The following TSPAN32 variants were observed in gnomAD, a reference collection of about 807,000 sequenced individuals.
TSPAN32 encodes the protein tetraspanin-32.
A neutral mutation model predicts 42.7 loss-of-function variants in TSPAN32; 47 were observed. That is an observed-to-expected ratio of 1.10 (90% CI 0.87 to 1.40). TSPAN32 has a LOEUF of 1.40. Ranked by LOEUF, TSPAN32 falls within the 40% of genes most tolerant of loss-of-function variation. TSPAN32 has a pLI of 0.00. For synonymous variants in TSPAN32, 175 were observed against 175.9 expected (o/e 0.99, Z 0.04); for missense variants, 469 against 424.1 (o/e 1.11, Z -0.93).
Position 2,313,581 on chromosome 11 carries a change from A to G in TSPAN32, c.355-73A>G. ...CACTAAGGGCCCACTAGCGTTTGGGATGTCGTGGGGAGGGGGCTGTGTCCC... is the reference window on the plus strand; with the variant it reads ...CACTAAGGGCCCACTAGCGTTTGGGGTGTCGTGGGGAGGGGGCTGTGTCCC... On this transcript the variant is annotated intron_variant, in intron 4 of 9. Transcript: ENST00000182290. This position sits in a 1 kb window ranked among gnomAD's most constrained non-coding sequence, Gnocchi z 9.1. The G allele has an allele frequency of 8.2e-7, 1 of 1,220,854 alleles. No individual in the cohort carries two copies. Among genetic ancestry groups the G allele is most frequent in the Non-Finnish European group, 1.2e-6 (1 of 858,746 alleles). 75.6% of individuals were successfully genotyped at this position (1,220,854 alleles called of 1,614,324 possible).
chr11:2,305,616 C>T (rs571740109), intron 3 of TSPAN32, among the ~76,000 whole-genome samples: 2 of 152,248 alleles, frequency 1.3e-5, no homozygotes, highest in African/African-American at 2.4e-5. Flanking sequence ...ACCTTGCCCC[C>T]GTGCACAAAC....
In TSPAN32 at chr11:2,317,359, G is replaced by C; in HGVS notation, c.735G>C (p.Gln245His). Residue 245 changes from glutamine (Q) to histidine (H), a missense_variant, in exon 9 of 10, where the codon CAG (glutamine) becomes CAC (histidine). By Grantham distance (24) the Gln-to-His change is conservative (BLOSUM62 0). Coordinates refer to ENST00000182290, the MANE Select transcript of TSPAN32 (RefSeq NM_139022.3). This position sits in a 1 kb window ranked among gnomAD's most constrained non-coding sequence, Gnocchi z 6.2. ...YTLTPRACGRQPQEPSLLRCS... is the reference protein window; with the variant it reads ...YTLTPRACGRHPQEPSLLRCS... ...TGCTCCTCAGAGCATGTGGCCGCCA[G>C]CCCCAGGAGCCCAGCCTCTTGAGAT... The C allele has an allele frequency of 6.3e-7, 1 of 1,593,524 alleles. No individual in the cohort carries two copies.
rs770634605 is a variant in TSPAN32, at chr11:2,308,766, G to A, written c.310G>A (p.Ala104Thr). ...CCTGTGCTTCTCCCTGGCGTTCTGC[G>A]CACAGGTGCAGGTGGTGTTCTGGAG... ...GFLCFSLAFC[A>T]QVQVVFWRLH... Residue 104 changes from alanine (A) to threonine (T), a missense_variant, in exon 4 of 10, where the codon GCA becomes ACA. Physicochemically the swap from Ala to Thr is moderately conservative, Grantham distance 58. Transcript: ENST00000182290. 3.3e-5 allele frequency: 52 copies of A among 1,573,544 alleles called. No individual in the cohort carries two copies. The highest frequency in any genetic ancestry group is 4.4e-5 in the Non-Finnish European group (51 of 1,159,678).
chr11:2,305,998 ATGTGCATGAGTGTGTG>A (rs1212601713), intron 3 of TSPAN32, among the ~76,000 whole-genome samples: 2 of 145,936 alleles, frequency 1.4e-5, no homozygotes, highest in African/African-American at 5.3e-5. Context: ...GTGTGTGTGC[ATGTGCATGAGTGTGTG>A]TGTGCATGTG....
chr11:2,314,442 G>A, intron 5 of TSPAN32, 43 bp from the exon 6 acceptor site: 1 of 1,525,244 alleles, frequency 6.6e-7, no homozygotes, highest in Middle Eastern at 1.7e-4. Context: ...GCCTCCTGGG[G>A]TCTCGGGAGC....
intron 1 of TSPAN32, among the ~76,000 whole-genome samples, chr11:2,302,425 G>A (rs966060063): frequency 2.0e-5 from 3 of 152,202 alleles, no homozygotes; most frequent in African/African-American, 7.2e-5. Context: ...CCTCCTGAGG[G>A]GCAGCACAGA....
intron 4 of TSPAN32, 96 bp downstream of exon 4, chr11:2,308,906 A>G: frequency 1.2e-6 from 1 of 841,550 alleles, no homozygotes. Context: ...GAGCAGCCCC[A>G]GCTTCCAGGC....
intron 4 of TSPAN32, chr11:2,309,313 C>G: frequency 4.3e-6 from 2 of 465,242 alleles, no homozygotes; most frequent in Non-Finnish European, 9.0e-6. Context: ...ACCCCCTCCA[C>G]GGAACAGCAC....
Position 2,304,316 on chromosome 11 carries a change from G to GTTTTTT in TSPAN32, c.279+112_279+113insTTTTTT. 1 of 765,736 alleles carries GTTTTTT rather than the reference G, an allele frequency of 1.3e-6. No individual in the cohort carries two copies. Among genetic ancestry groups the GTTTTTT allele is most frequent in the Admixed American group, 3.0e-5 (1 of 33,492 alleles). 47.4% of individuals were successfully genotyped at this position (765,736 alleles called of 1,614,324 possible). On this transcript the variant is annotated intron_variant, in intron 3 of 9. Transcript: ENST00000182290. The surrounding 1 kb of genome is among the most constrained non-coding windows in gnomAD (Gnocchi z 4.8). ...ACACCTGAGTGACCAGGCAGAACCA[G>GTTTTTT]AGGCCCCAGGGATGCTGGCCAGCCG...
chr11:2,305,344 T>C, intron 3 of TSPAN32, among the ~76,000 whole-genome samples: 1 of 114,200 alleles, frequency 8.8e-6, no homozygotes. Flanking sequence ...GAGGCCCCAG[T>C]GGGGAGATGA....
intron 3 of TSPAN32, among the ~76,000 whole-genome samples, chr11:2,305,381 C>CA (rs1848022170): frequency 6.6e-6 from 1 of 151,550 alleles, no homozygotes; most frequent in South Asian, 2.1e-4. Flanking sequence ...CCCCCCCCCC[C>CA]AGAGGGTGTG....
At chr11:2,308,920 T>C in intron 4 of TSPAN32, 110 bp downstream of exon 4, 1 of 762,194 alleles carries the variant, frequency 1.3e-6, no homozygotes, top group Non-Finnish European at 2.1e-6. Flanking sequence ...TCCAGGCTTG[T>C]GCTGACCGGG....
In TSPAN32 at chr11:2,302,951, C is replaced by G; in HGVS notation, c.174C>G (p.His58Gln). The change falls in exon 2 of 10, where the codon CAC becomes CAG. Residue 58 changes from histidine (H) to glutamine (Q), a missense_variant. Transcript: ENST00000182290. Reference sequence around the variant, plus strand: ...AGAAGAACCCGTACCAGGCTGTGCACCAATGGGGTAAGTGAGGTCCAGGCC... The same window carrying G: ...AGAAGAACCCGTACCAGGCTGTGCAGCAATGGGGTAAGTGAGGTCCAGGCC... ...SLEKNPYQAV[H>Q]QWAFSAGLSL... 4.3e-6 allele frequency: 7 copies of G among 1,613,304 alleles called. No homozygotes were observed. Among genetic ancestry groups the G allele is most frequent in the Non-Finnish European group, 5.9e-6 (7 of 1,179,628 alleles).
intron 4 of TSPAN32, among the ~76,000 whole-genome samples, chr11:2,310,282 G>A (rs2133334876): frequency 6.6e-6 from 1 of 152,302 alleles, no homozygotes; most frequent in South Asian, 2.1e-4. Flanking sequence ...AGGGGAGGGG[G>A]CCATACAGGG....
chr11:2,310,929 G>C (rs1300290099), intron 4 of TSPAN32, among the ~76,000 whole-genome samples: 1 of 152,130 alleles, frequency 6.6e-6, no homozygotes, highest in East Asian at 1.9e-4. Flanking sequence ...GGGCCCACCA[G>C]AGCCGAATGG....
intron 3 of TSPAN32, among the ~76,000 whole-genome samples, chr11:2,307,811 C>T (rs931198170): frequency 3.3e-5 from 5 of 152,054 alleles, no homozygotes; most frequent in Non-Finnish European, 7.4e-5. Context: ...AGTGGTTGGC[C>T]GGGCCATGGA....
intron 3 of TSPAN32, among the ~76,000 whole-genome samples, chr11:2,307,434 G>A (rs756974368): frequency 3.3e-5 from 5 of 152,166 alleles, no homozygotes; most frequent in Admixed American, 1.3e-4. Context: ...GCGTTTCACC[G>A]GGGCCTCAGG....
chr11:2,303,997 A>C (rs1459666887), intron 2 of TSPAN32, 110 bp from the exon 3 acceptor site: 1 of 781,236 alleles, frequency 1.3e-6, no homozygotes, highest in African/African-American at 1.7e-5. Context: ...AGAGCCCCCC[A>C]GGAGTCCCTC....
Position 2,302,867 on chromosome 11 carries a change from C to A in TSPAN32, c.90C>A (p.Thr30=). ...AGCTGCTGGGCCTCTCTGTGGCCAC[C>A]ATGGTGACTCTTACCTACTTCGGGG... ...FILLLGLSVA[T]MVTLTYFGAH... The change falls in exon 2 of 10, where the codon ACC becomes ACA. Residue 30 remains threonine, a synonymous_variant. Transcript: ENST00000182290. 1 of 1,613,658 alleles carries A rather than the reference C, an allele frequency of 6.2e-7. No homozygotes were observed. Among genetic ancestry groups the A allele is most frequent in the Non-Finnish European group, 8.5e-7 (1 of 1,179,844 alleles).
Sources: allele counts gnomAD v4.1 joint callset (sites outside exome capture counted in the v4.1 genomes callset), GRCh38; gene constraint gnomAD v4.1.1; non-coding constraint Gnocchi (gnomAD v3.1); transcripts MANE v1.5; gene names NCBI Gene and HGNC (gene_info 2026-07-23, HGNC 2026-07-21).